NRG4: variants seen among roughly 807,000 people sequenced by gnomAD.
NRG4 encodes pro-neuregulin-4, membrane-bound isoform.
In NRG4, 10 loss-of-function variants were observed where a neutral mutation model predicts 15.0. The ratio of observed to expected loss-of-function variants is 0.67; its 90% CI spans 0.41 to 1.13. The LOEUF (loss-of-function observed/expected upper bound fraction) is 1.13. Ranked by LOEUF, NRG4 falls within the 50% of genes most tolerant of loss-of-function variation. NRG4 has a pLI of 0.00. For missense variants in NRG4, 139 were observed against 140.2 expected, an observed-to-expected ratio of 0.99 and a Z score of 0.04; for synonymous variants, 41 against 50.1, an observed-to-expected ratio of 0.82 and a Z score of 0.77.
intron 5 of NRG4, among the ~76,000 whole-genome samples, chr15:75,946,549 C>T (rs970638079): frequency 7.9e-5 from 12 of 152,126 alleles, no homozygotes; most frequent in Middle Eastern, 3.4e-3. Flanking sequence ...TTAGTAGAGA[C>T]GGGGTTTCAT....
chr15:75,940,193 C>T (rs2030796709), downstream of NRG4: 1 of 150,570 alleles, frequency 6.6e-6, no homozygotes, highest in Non-Finnish European at 1.5e-5. Flanking sequence ...TTCCTATACA[C>T]TAACAATGAA....
chr15:76,025,243 T>C (rs1231843842), intron 5 of NRG4, among the ~76,000 whole-genome samples: 1 of 151,664 alleles, frequency 6.6e-6, no homozygotes, highest in Non-Finnish European at 1.5e-5. Context: ...ATCGAGACCA[T>C]CCTGGCTAAC....
At chr15:76,008,718 T>G (rs1440474315) in intron 3 of NRG4, among the ~76,000 whole-genome samples, 4 of 152,188 alleles carry the variant, frequency 2.6e-5, no homozygotes, top group African/African-American at 9.7e-5. Flanking sequence ...CTTTTTTATT[T>G]GCTACCACCA....
At chr15:75,972,466 T>A (rs936386325) in intron 3 of NRG4, among the ~76,000 whole-genome samples, 2 of 152,216 alleles carry the variant, frequency 1.3e-5, no homozygotes, top group Non-Finnish European at 2.9e-5. Flanking sequence ...CCGAATGGTA[T>A]TGCCTAGGTT....
At chr15:76,010,237 A>C (rs555912116) in intron 2 of NRG4, among the ~76,000 whole-genome samples, 10 of 152,254 alleles carry the variant, frequency 6.6e-5, no homozygotes, top group African/African-American at 1.2e-4. Flanking sequence ...TCCAGCCTTA[A>C]AGGGGAAATT....
intron 5 of NRG4, among the ~76,000 whole-genome samples, chr15:76,025,112 C>T (rs1331900374): frequency 1.3e-5 from 2 of 152,086 alleles, no homozygotes; most frequent in African/African-American, 4.8e-5. Context: ...CAAAATAGTA[C>T]GCTTAAGGAA....
intron 3 of NRG4, chr15:75,971,024 C>T (rs768681463): frequency 4.8e-5 from 11 of 230,770 alleles, no homozygotes; most frequent in Non-Finnish European, 9.5e-5. Flanking sequence ...TCATTGTCTT[C>T]GAGCTATTTT....
At chr15:75,972,484 A>G (rs1450286958) in intron 3 of NRG4, among the ~76,000 whole-genome samples, 1 of 152,146 alleles carries the variant, frequency 6.6e-6, no homozygotes, top group Non-Finnish European at 1.5e-5. Context: ...GTTTTCTTCT[A>G]GGGTTTTTAT....
intron 5 of NRG4, among the ~76,000 whole-genome samples, chr15:75,946,505 C>T (rs1161082311): frequency 1.3e-5 from 2 of 152,108 alleles, no homozygotes; most frequent in Non-Finnish European, 2.9e-5. Context: ...CTACAGGTGC[C>T]CGCCACCACG....
intron 3 of NRG4, among the ~76,000 whole-genome samples, chr15:76,004,322 C>T (rs947992252): frequency 5.3e-5 from 8 of 152,012 alleles, no homozygotes; most frequent in Non-Finnish European, 1.2e-4. Context: ...TACTACAGGC[C>T]GGGTGCAGTG....
At chr15:76,023,130 CCACA>C (rs10572540) in intron 5 of NRG4, among the ~76,000 whole-genome samples, 16,091 of 119,708 alleles carry the variant, frequency 0.13, 1,181 homozygotes, top group East Asian at 0.27. Context: ...CACCCATACT[CCACA>C]CACACACACA....
At chr15:76,058,887 A>C (rs2141974714) in intron 1 of NRG4, among the ~76,000 whole-genome samples, 1 of 152,310 alleles carries the variant, frequency 6.6e-6, no homozygotes, top group East Asian at 1.9e-4. Context: ...CATTAATTAG[A>C]GTAGTACCCA....
At chr15:76,018,578 C>T (rs1363337848) in intron 5 of NRG4, among the ~76,000 whole-genome samples, 1 of 152,194 alleles carries the variant, frequency 6.6e-6, no homozygotes, top group East Asian at 1.9e-4. Flanking sequence ...ATCTAACAGT[C>T]AAGCCTCTCT....
chr15:75,958,545 G>A (rs1468277168), intron 4 of NRG4, among the ~76,000 whole-genome samples: 1 of 152,054 alleles, frequency 6.6e-6, no homozygotes, highest in African/African-American at 2.4e-5. Context: ...ATTTGTTTCT[G>A]TCAACCACCT....
intron 3 of NRG4, among the ~76,000 whole-genome samples, chr15:75,973,711 T>C (rs1201051581): frequency 1.3e-5 from 2 of 152,236 alleles, no homozygotes; most frequent in Non-Finnish European, 2.9e-5. Flanking sequence ...ATCCCAGGGA[T>C]GAAGCTGACT....
rs756970269 is a variant in NRG4 at position 75,955,956 on chromosome 15, T to C, written c.307A>G (p.Thr103Ala). Residue 103 changes from threonine to alanine, a missense_variant, in exon 5 of 6, where the codon ACG (threonine) becomes GCG (alanine). Coordinates refer to ENST00000394907, the MANE Select transcript of NRG4 (RefSeq NM_138573.4). ...SVQYDINLVETSSTSAHHSHE... is the reference protein window; with the variant it reads ...SVQYDINLVEASSTSAHHSHE... ...CTGTGGTGGGCACTGGTACTGCTCG[T>C]CTCTACCAGGTTGATATCATACTGG... 1.9e-6 allele frequency: 3 copies of C among 1,610,180 alleles called. No individual in the cohort carries two copies. Among genetic ancestry groups the C allele is most frequent in the Non-Finnish European group, 2.5e-6 (3 of 1,176,490 alleles).
chr15:75,959,060 C>A (rs2032382599), intron 4 of NRG4: 2 of 321,920 alleles, frequency 6.2e-6, no homozygotes, highest in African/African-American at 2.2e-5. Flanking sequence ...GGCTTAACTG[C>A]AGCCTCTCAT....
rs1265569990 is a variant in NRG4 at position 75,977,887 on chromosome 15, G to A, written c.105-15913C>T. ...GCTGGAGTGCAGTGGTGTGATCTCG[G>A]CTCACTACAACCTCTGCCTCCCAGG... On this transcript the variant is annotated intron_variant, in intron 3 of 5. Transcript: ENST00000394907. The surrounding 1 kb of genome is among the most constrained non-coding windows in gnomAD (Gnocchi z 4.9). Among the ~76,000 whole-genome samples the A allele has an allele frequency of 2.0e-5, 3 of 151,788 alleles. No homozygotes were observed. The highest frequency in any genetic ancestry group is 2.1e-4 in the South Asian group (1 of 4,806).
At chr15:76,040,600 G>A (rs1228362786) in intron 4 of NRG4, among the ~76,000 whole-genome samples, 8 of 152,154 alleles carry the variant, frequency 5.3e-5, no homozygotes, top group African/African-American at 2.4e-5. Context: ...TAAATAGAAA[G>A]ATTAAATGAT....
Sources: gnomAD v4.1 joint callset for allele counts (sites outside exome capture counted in the v4.1 genomes callset) on GRCh38, gnomAD v4.1.1 for gene constraint, Gnocchi (gnomAD v3.1) non-coding constraint, MANE v1.5 for transcripts, NCBI Gene and HGNC (gene_info 2026-07-23, HGNC 2026-07-21) for gene names.